The following PCSK4 variants were observed in gnomAD, a reference collection of about 807,000 sequenced individuals.
PCSK4 encodes the protein proprotein convertase subtilisin/kexin type 4.
A neutral mutation model predicts 80.3 loss-of-function variants in PCSK4; 64 were observed. The ratio of observed to expected loss-of-function variants is 0.80; its 90% CI spans 0.65 to 0.98. The LOEUF is 0.98. PCSK4 is among the 50% of genes least tolerant of loss of function. The probability of loss-of-function intolerance (pLI) is 0.00; values close to 1 mark genes in which losing one functional copy is unlikely to be tolerated. For synonymous variants in PCSK4, 561 were observed against 487.6 expected, an observed-to-expected ratio of 1.15 and a Z score of -1.98; for missense variants, 1,213 against 1,093.6, an observed-to-expected ratio of 1.11 and a Z score of -1.54.
chr19:1,483,208 T>G (rs2084399078), intron 12 of PCSK4, 76 bp downstream of exon 12: 1 of 1,399,348 alleles, frequency 7.1e-7, no homozygotes, highest in East Asian at 2.5e-5. Flanking sequence ...CCCCTCCCCG[T>G]GAGGACACTC....
At chr19:1,487,688 G>A (rs562292225) in exon 6 of PCSK4, 15 of 1,553,634 alleles carry the variant, frequency 9.7e-6, no homozygotes, top group African/African-American at 2.7e-5. Context: ...AGCGGGTCCC[G>A]TGCCTGGTGC....
chr19:1,484,625 C>G (rs2084510020), intron 8 of PCSK4, among the ~76,000 whole-genome samples: 1 of 152,034 alleles, frequency 6.6e-6, no homozygotes, highest in East Asian at 1.9e-4. Flanking sequence ...CGAGACCAGC[C>G]TGGTCAACAC....
intron 11 of PCSK4, 34 bp from the exon 12 acceptor site, chr19:1,483,497 G>A (rs762553107): frequency 4.8e-6 from 7 of 1,448,336 alleles, no homozygotes; most frequent in Non-Finnish European, 6.6e-6. Flanking sequence ...CCCTCCTGCG[G>A]CCTGCTGGGG....
At chr19:1,489,759 C>T (rs964795137) in intron 2 of PCSK4, 34 bp downstream of exon 2, 1 of 1,581,918 alleles carries the variant, frequency 6.3e-7, no homozygotes, top group African/African-American at 1.3e-5. Context: ...AGCTGAGACC[C>T]CGGGCAGGGG....
intron 8 of PCSK4, among the ~76,000 whole-genome samples, chr19:1,485,159 A>T (rs550457291): frequency 4.6e-4 from 69 of 151,464 alleles, no homozygotes; most frequent in African/African-American, 1.5e-3. Flanking sequence ...AAAAAATTTA[A>T]AAAAAAAGGT....
At chr19:1,484,597 C>A (rs986423886) in intron 8 of PCSK4, among the ~76,000 whole-genome samples, 12 of 150,666 alleles carry the variant, frequency 8.0e-5, no homozygotes, top group Non-Finnish European at 1.6e-4. Flanking sequence ...GTGGGTGGAT[C>A]ACCGGAGGTC....
chr19:1,488,433 G>C (rs1268741551), intron 2 of PCSK4, among the ~76,000 whole-genome samples, 153 bp from the exon 3 acceptor site: 2 of 152,128 alleles, frequency 1.3e-5, no homozygotes, highest in Non-Finnish European at 2.9e-5. Context: ...TCTGCAGTCG[G>C]AAGGGGTCGA....
At chr19:1,487,536 G>A in intron 6 of PCSK4, 67 bp downstream of exon 6, 1 of 1,386,308 alleles carries the variant, frequency 7.2e-7, no homozygotes, top group South Asian at 1.2e-5. Flanking sequence ...CTTGGGCCCA[G>A]CTCCCCGCCA....
exon 2 of PCSK4, chr19:1,489,829 G>A: frequency 1.9e-6 from 3 of 1,610,360 alleles, no homozygotes; most frequent in Non-Finnish European, 2.5e-6. Context: ...GGTGGCCCCA[G>A]TGCGGGGTCA....
intron 8 of PCSK4, 25 bp from the exon 9 acceptor site, chr19:1,484,152 CG>C (rs1225353627): frequency 1.3e-5 from 18 of 1,345,930 alleles, no homozygotes; most frequent in Admixed American, 2.0e-5. Flanking sequence ...GGGTGGGACT[CG>C]GGGGGCCGTG....
chr19:1,490,197 C>G (rs2084872577), exon 1 of PCSK4: 9 of 1,613,462 alleles, frequency 5.6e-6, no homozygotes, highest in Non-Finnish European at 7.6e-6. Context: ...GTGCCAGGCG[C>G]TCGACCTCCC....
At position 1,486,838 on chromosome 19, in the gene PCSK4, G is replaced by A. The variant is rs780861634; in HGVS notation, c.1068+15C>T. 14 of 1,584,902 alleles carry A rather than the reference G, an allele frequency of 8.8e-6. No homozygotes were observed. The Admixed American group carries it at 1.9e-4, about 22-fold the overall frequency. On this transcript the variant is annotated intron_variant, in intron 8 of 14. Coordinates refer to ENST00000300954, the Ensembl canonical transcript of PCSK4. ...GGGCCTGGGGAGGGGACCCTGTTGGGGCGGCTGCACTCACGATCTGGGGGT... is the reference window on the plus strand; with the variant it reads ...GGGCCTGGGGAGGGGACCCTGTTGGAGCGGCTGCACTCACGATCTGGGGGT...
At chr19:1,488,126 G>A (rs758146828) in intron 3 of PCSK4, 34 bp from the exon 4 acceptor site, 1 of 1,612,904 alleles carries the variant, frequency 6.2e-7, no homozygotes, top group African/African-American at 1.3e-5. Context: ...ACCCTGTGAG[G>A]GCCTGGAGTT....
rs748950042 is a variant in PCSK4 at position 1,490,313 on chromosome 19, G to A, written c.34C>T (p.Leu12=). Reference sequence around the variant, plus strand: ...CGGACAAGGGCCAGGGCCAAGACCAGGCGCAGCCACAGCGCAATCGGGGCG... The same window carrying A: ...CGGACAAGGGCCAGGGCCAAGACCAAGCGCAGCCACAGCGCAATCGGGGCG... The change falls in exon 1 of 15, where the codon CTG becomes TTG. Residue 12 remains leucine, a synonymous_variant. Coordinates refer to ENST00000300954, the Ensembl canonical transcript of PCSK4. 7.4e-6 allele frequency: 11 copies of A among 1,493,144 alleles called. No individual in the cohort carries two copies. The Admixed American group carries it at 2.3e-4, about 31-fold the overall frequency. 92.5% of individuals were successfully genotyped at this position (1,493,144 alleles called of 1,614,324 possible).
intron 9 of PCSK4, 37 bp from the exon 10 acceptor site, chr19:1,483,978 G>C: frequency 2.0e-6 from 3 of 1,464,110 alleles, no homozygotes; most frequent in Non-Finnish European, 2.7e-6. Flanking sequence ...TGAGCCGCCG[G>C]GCCGCGCCTG....
chr19:1,483,066 C>A, intron 12 of PCSK4, 46 bp from the exon 13 acceptor site: 1 of 1,479,738 alleles, frequency 6.8e-7, no homozygotes. Context: ...AGAGGGATGG[C>A]TTTGTGAAGC....
chr19:1,483,019 GTC>G lies in PCSK4; in HGVS notation c.1572-1_1572del. On this transcript the variant is annotated splice_acceptor_variant and coding_sequence_variant, in exon 13 of 15. Transcript: ENST00000300954. LOFTEE classifies it high-confidence loss of function. ...TAGCCTTCAGTGCTGACGTCCAAGG[GTC>G]TGGGACAGAAGGGTGGGTGGGGGTG... is the stretch of plus-strand genomic sequence containing the variant. 1 of 1,192,020 alleles carries G rather than the reference GTC, an allele frequency of 8.4e-7. No homozygotes were observed. The highest frequency in any genetic ancestry group is 1.2e-6 in the Non-Finnish European group (1 of 838,428). 73.8% of individuals were successfully genotyped at this position (1,192,020 alleles called of 1,614,324 possible).
In PCSK4 at chr19:1,483,038, G is replaced by A; in HGVS notation, c.1572-18C>T. ...CCAAGGGTCTGGGACAGAAGGGTGG[G>A]TGGGGGTGGGGGTGTCAAGAGGGAT... is the stretch of plus-strand genomic sequence containing the variant. On this transcript the variant is annotated intron_variant, in intron 12 of 14. Coordinates refer to ENST00000300954, the Ensembl canonical transcript of PCSK4. 6.7e-7 allele frequency: 1 copy of A among 1,490,100 alleles called. No homozygotes were observed. Among genetic ancestry groups the A allele is most frequent in the Non-Finnish European group, 9.0e-7 (1 of 1,111,570 alleles). 92.3% of individuals were successfully genotyped at this position (1,490,100 alleles called of 1,614,324 possible).
chr19:1,482,881 C>T lies in PCSK4; in HGVS notation c.1696+15G>A, dbSNP rs759698297. 6.2e-7 allele frequency: 1 copy of T among 1,610,532 alleles called. No homozygotes were observed. The highest frequency in any genetic ancestry group is 8.5e-7 in the Non-Finnish European group (1 of 1,177,672). ...GAGCCAAGCCCCGCCCACCACAGCC[C>T]CGCCCCGCCCTCACCCGTGTTGAAA... On this transcript the variant is annotated intron_variant, in intron 13 of 14. Transcript: ENST00000300954.
Sources: allele counts gnomAD v4.1 joint callset (sites outside exome capture counted in the v4.1 genomes callset), GRCh38; gene constraint gnomAD v4.1.1; transcripts MANE v1.5; gene names NCBI Gene and HGNC (gene_info 2026-07-23, HGNC 2026-07-21).